ARHGAP32: variants seen among roughly 807,000 people sequenced by gnomAD.
The protein encoded by ARHGAP32 is Rho GTPase activating protein 32.
ARHGAP32 carries 51 observed loss-of-function variants against 186.5 expected under a neutral mutation model. That is an observed-to-expected ratio of 0.27 (90% CI 0.22 to 0.35). The LOEUF (loss-of-function observed/expected upper bound fraction) is 0.35. Ranked by LOEUF, ARHGAP32 falls within the 10% of genes least tolerant of loss-of-function variation. The pLI is 1.00. For synonymous variants in ARHGAP32, 950 were observed against 964.3 expected (o/e 0.99, Z 0.27); for missense variants, 2,186 against 2,623.5 (o/e 0.83, Z 3.64).
chr11:129,090,592 T>A (rs1424132473), intron 6 of ARHGAP32, among the ~76,000 whole-genome samples: 1 of 152,046 alleles, frequency 6.6e-6, no homozygotes, highest in Non-Finnish European at 1.5e-5. Flanking sequence ...AAAACTAGAT[T>A]TACAGAAGGA....
rs1425382675 is a variant in ARHGAP32 at position 128,978,805 on chromosome 11, C to T, written c.2087G>A (p.Ser696Asn). The change falls in exon 19 of 23, where the codon AGT (serine) becomes AAT (asparagine). Residue 696 changes from serine to asparagine, a missense_variant. This residue lies in a region of ARHGAP32 where 263 missense variants were observed against 323.5 expected (regional missense o/e 0.81). Coordinates refer to ENST00000682385, the MANE Select transcript of ARHGAP32 (RefSeq NM_001378024.1). ...CATGGCTTTCATCTCTGAAGGCTCA[C>T]TCTCATTCCGCTGCAGCTTTCGTTT... The part of the protein sequence containing the change: ...VSKRKLQRNE[S>N]EPSEMKAMAL... 6.2e-7 allele frequency: 1 copy of T among 1,613,052 alleles called. No individual in the cohort carries two copies. The highest frequency in any genetic ancestry group is 1.7e-5 in the Admixed American group (1 of 59,878).
chr11:129,093,802 G>A (rs184808279), intron 5 of ARHGAP32, 95 bp from the exon 6 acceptor site: 33 of 830,126 alleles, frequency 4.0e-5, no homozygotes, highest in South Asian at 7.7e-5. Flanking sequence ...CATCATCTCC[G>A]GGTGAGCATC....
At chr11:129,160,659 G>A (rs1290569836) in intron 2 of ARHGAP32, among the ~76,000 whole-genome samples, 1 of 152,118 alleles carries the variant, frequency 6.6e-6, no homozygotes, top group Non-Finnish European at 1.5e-5. Flanking sequence ...AATAAGAGAG[G>A]ACACAAACAA....
At chr11:129,184,019 A>AAAGAC (rs1944107036) in intron 1 of ARHGAP32, among the ~76,000 whole-genome samples, 1 of 152,156 alleles carries the variant, frequency 6.6e-6, no homozygotes, top group Admixed American at 6.6e-5. Context: ...TACACTTCTG[A>AAAGAC]AAGACTAAAA....
rs999209023 is a variant in ARHGAP32 at position 128,980,658 on chromosome 11, T to C, written c.1871A>G (p.Gln624Arg). The change falls in exon 18 of 23, where the codon CAG (glutamine) becomes CGG (arginine). Residue 624 changes from glutamine to arginine, a missense_variant. By Grantham distance (43) the Gln-to-Arg change is conservative. Around this residue, in one of 5 missense-constraint regions of ARHGAP32, gnomAD observed 263 missense variants for 323.5 expected, o/e 0.81. Transcript: ENST00000682385. ...TTCCGTCACAATTGGAGAATTGACC[T>C]GAGCTTGTGTTCGTGCCTGGGCCTC... ...LEEAQARTQA[Q>R]VNSPIVTENK... is the part of the protein sequence containing the mutation. The C allele has an allele frequency of 2.5e-6, 4 of 1,612,606 alleles. No individual in the cohort carries two copies. The highest frequency in any genetic ancestry group is 3.4e-6 in the Non-Finnish European group (4 of 1,178,730).
chr11:129,271,080 T>C (rs1945466725), intron 1 of ARHGAP32, among the ~76,000 whole-genome samples: 2 of 152,130 alleles, frequency 1.3e-5, no homozygotes, highest in Non-Finnish European at 2.9e-5. Context: ...CACGGTAAAA[T>C]GTTAAGTTTT....
At chr11:128,985,858 GTATATA>G (rs1555063867) in intron 15 of ARHGAP32, 139 bp downstream of exon 15, 45 of 95,954 alleles carry the variant, frequency 4.7e-4, no homozygotes, top group South Asian at 1.9e-3. Context: ...GTGTGTGTGT[GTATATA>G]TATATATATA....
intron 1 of ARHGAP32, among the ~76,000 whole-genome samples, chr11:129,202,167 A>G (rs185167164): frequency 6.6e-6 from 1 of 152,258 alleles, no homozygotes; most frequent in Admixed American, 6.5e-5. Flanking sequence ...AAAACTAAAT[A>G]ACAAAGATAA....
chr11:128,971,654 T>A (rs1945378004), intron 22 of ARHGAP32: 1 of 154,428 alleles, frequency 6.5e-6, no homozygotes, highest in Non-Finnish European at 1.4e-5. Context: ...CAGAAGCTAC[T>A]GCCTCTCTCC....
At chr11:129,005,074 C>G (rs546237597) in intron 11 of ARHGAP32, among the ~76,000 whole-genome samples, 71 of 152,178 alleles carry the variant, frequency 4.7e-4, no homozygotes, top group Non-Finnish European at 8.5e-4. Context: ...ATGAGGCTTG[C>G]AAATACTACC....
intron 10 of ARHGAP32, among the ~76,000 whole-genome samples, chr11:129,050,059 T>C (rs1939977574): frequency 6.6e-6 from 1 of 152,206 alleles, no homozygotes; most frequent in South Asian, 2.1e-4. Flanking sequence ...AAGTTGCAGT[T>C]TCCAAGAACC....
chr11:129,230,053 G>A (rs546820070), intron 1 of ARHGAP32, among the ~76,000 whole-genome samples: 1 of 152,060 alleles, frequency 6.6e-6, no homozygotes, highest in Admixed American at 6.6e-5. Flanking sequence ...GGGCACAAGC[G>A]ATCTGCCTGT....
intron 1 of ARHGAP32, among the ~76,000 whole-genome samples, chr11:129,174,610 G>A (rs1943862931): frequency 6.6e-6 from 1 of 152,214 alleles, no homozygotes; most frequent in African/African-American, 2.4e-5. Context: ...CAGGCAGACT[G>A]CCTCCTCAAG....
At chr11:129,245,162 T>C (rs11501253) in intron 1 of ARHGAP32, among the ~76,000 whole-genome samples, 14,303 of 107,756 alleles carry the variant, frequency 0.13, 402 homozygotes, top group Middle Eastern at 0.24. Context: ...ATGTTTATTG[T>C]GGCATTATTC....
chr11:129,117,628 T>G (rs925142629), intron 5 of ARHGAP32, among the ~76,000 whole-genome samples: 2 of 152,002 alleles, frequency 1.3e-5, no homozygotes, highest in African/African-American at 4.8e-5. Context: ...CTATTCCTTA[T>G]TTATACAAAA....
At position 129,199,932 on chromosome 11, in the gene ARHGAP32, G is replaced by A. The variant is rs997284139; in HGVS notation, c.-4-35505C>T. Among the ~76,000 whole-genome samples, 14 of 152,216 alleles carry A rather than the reference G, an allele frequency of 9.2e-5. 1 individual carries two copies. Among genetic ancestry groups the A allele is most frequent in the Non-Finnish European group, 1.9e-4 (13 of 68,042 alleles). On this transcript the variant is annotated intron_variant, in intron 1 of 6. Coordinates refer to the ARHGAP32 transcript ENST00000525234. ...AGAGCTGCCCAAGACCATGGGAACC[G>A]ACCTCTTGCATCAGTGTGACCTGGG...
At position 128,988,045 on chromosome 11, in the gene ARHGAP32, CA is replaced by C. The variant is rs1278158384; in HGVS notation, c.1275del (p.Ala426ProfsTer19). On this transcript the variant is annotated frameshift_variant, in exon 13 of 23. Transcript: ENST00000682385. LOFTEE classifies it high-confidence loss of function. ...TACCGTAGTCTCTGGATATTGGAGG[CA>C]ACACCAGAAAGGCGATAGATTCCAT... ...IVDGIYRLSG[V>X]ASNIQRLRHE... 1 of 1,612,506 alleles carries C rather than the reference CA, an allele frequency of 6.2e-7. No homozygotes were observed. Among genetic ancestry groups the C allele is most frequent in the Non-Finnish European group, 8.5e-7 (1 of 1,178,934 alleles).
chr11:129,039,703 G>A (rs1007126811), intron 11 of ARHGAP32, among the ~76,000 whole-genome samples: 7 of 152,128 alleles, frequency 4.6e-5, no homozygotes, highest in East Asian at 1.9e-4. Flanking sequence ...CACGATATGC[G>A]AATTTTATCT....
At chr11:129,223,591 C>T (rs1944741231) in intron 1 of ARHGAP32, among the ~76,000 whole-genome samples, 1 of 152,126 alleles carries the variant, frequency 6.6e-6, no homozygotes, top group African/African-American at 2.4e-5. Context: ...TGTTTGCTTA[C>T]TTTTATGAAT....
Sources: allele counts gnomAD v4.1 joint callset (sites outside exome capture counted in the v4.1 genomes callset), GRCh38; gene constraint gnomAD v4.1.1; regional missense constraint gnomAD v4.1.1; transcripts MANE v1.5; gene names NCBI Gene and HGNC (gene_info 2026-07-23, HGNC 2026-07-21).